Variants in CUL3 observed in about 807,000 individuals in gnomAD.
The protein encoded by CUL3 is cullin 3.
Under a neutral mutation model 89.1 loss-of-function variants are expected in CUL3, and 19 were observed. That is an observed-to-expected ratio of 0.21 (90% confidence interval 0.15 to 0.31). CUL3 has a LOEUF of 0.31. CUL3 is among the 10% of genes least tolerant of loss of function. CUL3 has a pLI of 1.00. For missense variants in CUL3, 469 were observed against 942.3 expected, an observed-to-expected ratio of 0.50 and a Z score of 6.58; for synonymous variants, 351 against 308.4, an observed-to-expected ratio of 1.14 and a Z score of -1.45.
At position 224,545,081 on chromosome 2, in the gene CUL3, G is replaced by A. The variant is rs538288458; in HGVS notation, c.265-9440C>T. 2.6e-5 allele frequency among the ~76,000 whole-genome samples: 4 copies of A among 152,186 alleles called. No individual in the cohort carries two copies. The South Asian group carries it at 8.3e-4, about 32-fold the overall frequency. ...ACAACTAATATAAATTTGGTTAACA[G>A]ATGTTGCTGTTATAATACATATAGC... On this transcript the variant is annotated intron_variant, in intron 2 of 15. Transcript: ENST00000264414.
At chr2:224,559,449 T>C (rs1394299415) in intron 1 of CUL3, among the ~76,000 whole-genome samples, 2 of 133,796 alleles carry the variant, frequency 1.5e-5, no homozygotes, top group Non-Finnish European at 3.1e-5. Context: ...CAAGATTGTG[T>C]CTCAAAAAAA....
At chr2:224,532,895 AGAG>A (rs1277579256) in intron 3 of CUL3, 1 of 152,254 alleles carries the variant, frequency 6.6e-6, no homozygotes, top group Non-Finnish European at 1.5e-5. Flanking sequence ...CTCCACTAAA[AGAG>A]GAGGGAAAAA....
intron 3 of CUL3, among the ~76,000 whole-genome samples, chr2:224,534,700 T>C (rs1320962233): frequency 6.6e-6 from 1 of 152,090 alleles, no homozygotes; most frequent in Non-Finnish European, 1.5e-5. Flanking sequence ...TTTTTATTCA[T>C]GGCCGGGCAC....
chr2:224,585,105 G>T lies in CUL3; in HGVS notation c.-96C>A. The T allele has an allele frequency of 2.1e-6, 2 of 956,836 alleles. No individual in the cohort carries two copies. The allele number at this position is 956,836 out of a possible 1,614,324, so 59.3% of individuals were successfully genotyped here. A position where few individuals can be genotyped will look rare whatever the true frequency, so the allele number is the denominator to read the frequency against. Reference sequence around the variant, plus strand: ...CAGGCAGGCTAGGGGCGACGCTGGGGGCGGCGGCGGCGCGACCCCCGGGCA... The same window carrying T: ...CAGGCAGGCTAGGGGCGACGCTGGGTGCGGCGGCGGCGCGACCCCCGGGCA... On this transcript the variant is annotated 5_prime_UTR_variant, in exon 1 of 16. Transcript: ENST00000264414.
At chr2:224,503,141 A>G (rs1163584609) in intron 9 of CUL3, 69 bp from the exon 10 acceptor site, 1 of 1,014,608 alleles carries the variant, frequency 9.9e-7, no homozygotes, top group Non-Finnish European at 1.5e-6. Context: ...ACAGAAAGAA[A>G]TAAATTATTT....
intron 3 of CUL3, among the ~76,000 whole-genome samples, chr2:224,517,337 G>C (rs1469896892): frequency 6.6e-6 from 1 of 152,130 alleles, no homozygotes; most frequent in Non-Finnish European, 1.5e-5. Flanking sequence ...TCAGACATCA[G>C]GACTTTCTTT....
chr2:224,483,472 T>A (rs1319326371), intron 13 of CUL3, among the ~76,000 whole-genome samples: 1 of 152,164 alleles, frequency 6.6e-6, no homozygotes, highest in Non-Finnish European at 1.5e-5. Flanking sequence ...CATCTTTCTA[T>A]TAGAGTTAGG....
At chr2:224,559,703 T>C (rs977425353) in intron 1 of CUL3, among the ~76,000 whole-genome samples, 1 of 152,138 alleles carries the variant, frequency 6.6e-6, no homozygotes. Context: ...ACTTCTATAT[T>C]GCCAAAATCT....
intron 3 of CUL3, among the ~76,000 whole-genome samples, chr2:224,517,637 G>A (rs926925907): frequency 2.0e-5 from 3 of 152,174 alleles, no homozygotes; most frequent in Admixed American, 1.3e-4. Flanking sequence ...CTGTACTCCA[G>A]CCTGGATGAC....
chr2:224,478,543 GAATTT>G (rs1363532033), intron 14 of CUL3, 198 bp from the exon 15 acceptor site: 21 of 429,132 alleles, frequency 4.9e-5, no homozygotes, highest in Non-Finnish European at 8.1e-5. Flanking sequence ...CAAAAATGAG[GAATTT>G]AACTTTGAGA....
chr2:224,510,974 A>C (rs958180229), intron 6 of CUL3, among the ~76,000 whole-genome samples: 5 of 152,202 alleles, frequency 3.3e-5, no homozygotes, highest in Non-Finnish European at 5.9e-5. Context: ...TGGAAACTTA[A>C]GGTTTTAAGA....
intron 14 of CUL3, chr2:224,478,720 C>T (rs1485140061): frequency 2.3e-5 from 4 of 173,026 alleles, no homozygotes; most frequent in Non-Finnish European, 5.0e-5. Flanking sequence ...CAAGTTAAAA[C>T]TCACCAAAAT....
rs535619582 is a variant in CUL3 at position 224,567,320 on chromosome 2, G to A, written c.67-9464C>T. On this transcript the variant is annotated intron_variant, in intron 1 of 15. Coordinates refer to ENST00000264414, the MANE Select transcript of CUL3 (RefSeq NM_003590.5). ...GCCGCCTCAAACTCCCAGGTTCAAGGGATCCTTCCGTCTCAGCCTCCTGAG... is the reference window on the plus strand; with the variant it reads ...GCCGCCTCAAACTCCCAGGTTCAAGAGATCCTTCCGTCTCAGCCTCCTGAG... Among the ~76,000 whole-genome samples, 6 of 152,168 alleles carry A rather than the reference G, an allele frequency of 3.9e-5. No individual in the cohort carries two copies. In the East Asian group the frequency reaches 1.2e-3, roughly 29 times the overall value.
chr2:224,553,349 G>A (rs376657099), intron 2 of CUL3, among the ~76,000 whole-genome samples: 5 of 152,130 alleles, frequency 3.3e-5, no homozygotes, highest in South Asian at 4.1e-4. Flanking sequence ...TCAAATGAGC[G>A]TGAAAGAAAA....
intron 13 of CUL3, among the ~76,000 whole-genome samples, chr2:224,492,574 T>C (rs138607472): frequency 3.1e-4 from 47 of 152,322 alleles, no homozygotes; most frequent in African/African-American, 1.0e-3. Flanking sequence ...AGGTACAGAC[T>C]ACCACTGTAT....
chr2:224,577,348 C>T lies in CUL3; in HGVS notation c.66+7596G>A, dbSNP rs550938850. Among the ~76,000 whole-genome samples, 6 of 152,240 alleles carry T rather than the reference C, an allele frequency of 3.9e-5. No individual in the cohort carries two copies. The South Asian group carries it at 1.2e-3, about 32-fold the overall frequency. Reference sequence around the variant, plus strand: ...CTGTAGGAGGATGAGGCAGACGGATCACGAGGTCAGGAGATCGAGATCATC... The same window carrying T: ...CTGTAGGAGGATGAGGCAGACGGATTACGAGGTCAGGAGATCGAGATCATC... On this transcript the variant is annotated intron_variant, in intron 1 of 15. Coordinates refer to ENST00000264414, the MANE Select transcript of CUL3 (RefSeq NM_003590.5).
chr2:224,518,346 T>A (rs2106231630), intron 3 of CUL3, among the ~76,000 whole-genome samples: 1 of 152,334 alleles, frequency 6.6e-6, no homozygotes, highest in African/African-American at 2.4e-5. Flanking sequence ...ATTGCATGGA[T>A]ACACCACATT....
intron 1 of CUL3, among the ~76,000 whole-genome samples, chr2:224,579,507 G>A (rs954061750): frequency 8.6e-5 from 13 of 151,862 alleles, no homozygotes; most frequent in South Asian, 4.1e-4. Flanking sequence ...AAGATTAACT[G>A]TACCCATCTG....
At chr2:224,581,118 C>A (rs748127982) in intron 1 of CUL3, among the ~76,000 whole-genome samples, 6 of 152,058 alleles carry the variant, frequency 3.9e-5, no homozygotes, top group Non-Finnish European at 5.9e-5. Flanking sequence ...AACTATTGGC[C>A]GGGCGTGGCG....
Sources: allele counts gnomAD v4.1 joint callset (sites outside exome capture counted in the v4.1 genomes callset), GRCh38; gene constraint gnomAD v4.1.1; transcripts MANE v1.5; gene names NCBI Gene and HGNC (gene_info 2026-07-23, HGNC 2026-07-21).